CAMKMT: variants seen among roughly 807,000 people sequenced by gnomAD.
CAMKMT encodes the protein CaM KMT.
Under a neutral mutation model 48.0 loss-of-function variants are expected in CAMKMT, and 53 were observed. The observed-to-expected ratio is 1.10, with a 90% CI of 0.89 to 1.39. The LOEUF is 1.39. Among genes scored for constraint, CAMKMT ranks in the 40% most tolerant of loss-of-function variants. The pLI, the probability that CAMKMT is intolerant of heterozygous loss-of-function variation, is 0.00. For synonymous variants in CAMKMT, 165 were observed against 152.3 expected (o/e 1.08, Z -0.61); for missense variants, 428 against 402.7 (o/e 1.06, Z -0.54).
chr2:44,374,117 C>CAAAAAAAAAAAAA (rs59922847), intron 2 of CAMKMT, among the ~76,000 whole-genome samples: 1 of 66,390 alleles, frequency 1.5e-5, no homozygotes, highest in Non-Finnish European at 2.8e-5. Context: ...GACTCTGCCT[C>CAAAAAAAAAAAAA]AAAAAAAAAA....
Position 44,656,718 on chromosome 2 carries a change from T to TA in CAMKMT, c.377-47564dup, listed in dbSNP as rs953734601. On this transcript the variant is annotated intron_variant, in intron 3 of 10. Transcript: ENST00000378494. ...GGTCCCCCCCACCCCACCTTTTTTT[T>TA]ATTGGTCACTAACAAATCCCTCATT... is the stretch of plus-strand genomic sequence containing the variant. 6.6e-5 allele frequency among the ~76,000 whole-genome samples: 10 copies of TA among 152,076 alleles called. No homozygotes were observed. In the South Asian group the frequency reaches 8.3e-4, roughly 13 times the overall value.
intron 3 of CAMKMT, chr2:44,394,809 G>A (rs1681677203): frequency 2.2e-6 from 1 of 452,870 alleles, no homozygotes; most frequent in African/African-American, 2.0e-5. Context: ...TGTTTGTGAT[G>A]TATCTAAAAC....
chr2:44,684,374 A>G (rs969719108), intron 3 of CAMKMT, among the ~76,000 whole-genome samples: 2 of 152,210 alleles, frequency 1.3e-5, no homozygotes, highest in African/African-American at 2.4e-5. Flanking sequence ...TCAGAGCAAG[A>G]GTTCGGTTTA....
chr2:44,611,407 T>C (rs1024106023), intron 3 of CAMKMT, among the ~76,000 whole-genome samples: 10 of 150,674 alleles, frequency 6.6e-5, no homozygotes, highest in African/African-American at 1.7e-4. Context: ...CACTCCAGAC[T>C]GGGGGACAAG....
intron 3 of CAMKMT, among the ~76,000 whole-genome samples, chr2:44,635,790 A>T (rs1673097422): frequency 6.6e-6 from 1 of 152,126 alleles, no homozygotes; most frequent in African/African-American, 2.4e-5. Context: ...AGTGTTGTTG[A>T]TTAGTTGTGT....
chr2:44,416,535 C>T (rs1346447768), intron 3 of CAMKMT, among the ~76,000 whole-genome samples: 4 of 132,600 alleles, frequency 3.0e-5, no homozygotes, highest in Admixed American at 7.4e-5. Context: ...TATATGTTCT[C>T]TTTTTTTTCC....
chr2:44,434,739 G>A (rs1422064657), intron 3 of CAMKMT, among the ~76,000 whole-genome samples: 1 of 152,092 alleles, frequency 6.6e-6, no homozygotes, highest in Non-Finnish European at 1.5e-5. Context: ...TCTGATTTAG[G>A]GATTGGTGAA....
intron 3 of CAMKMT, among the ~76,000 whole-genome samples, chr2:44,636,243 A>G (rs561201546): frequency 8.9e-4 from 136 of 152,368 alleles, no homozygotes; most frequent in Admixed American, 7.6e-3. Flanking sequence ...TCAGTGGTAC[A>G]GGATAGCAGA....
intron 3 of CAMKMT, among the ~76,000 whole-genome samples, chr2:44,478,951 G>A (rs566974430): frequency 2.0e-5 from 3 of 152,150 alleles, no homozygotes; most frequent in East Asian, 1.9e-4. Flanking sequence ...CGCCCGCCTC[G>A]GCCTCCCAAG....
intron 3 of CAMKMT, among the ~76,000 whole-genome samples, chr2:44,583,875 T>A (rs752042001): frequency 2.0e-5 from 3 of 152,150 alleles, no homozygotes; most frequent in Non-Finnish European, 4.4e-5. Flanking sequence ...TACATTTCAA[T>A]GAATTTAGAC....
At chr2:44,393,166 T>C (rs918046926) in intron 3 of CAMKMT, among the ~76,000 whole-genome samples, 13 of 152,330 alleles carry the variant, frequency 8.5e-5, no homozygotes, top group African/African-American at 2.2e-4. Context: ...ACCTTCTGAA[T>C]TGGTTTATGC....
chr2:44,424,013 G>A (rs1684104191), intron 3 of CAMKMT, among the ~76,000 whole-genome samples: 1 of 152,106 alleles, frequency 6.6e-6, no homozygotes, highest in African/African-American at 2.4e-5. Flanking sequence ...TTGTTTTTAT[G>A]AATAATTAGC....
chr2:44,415,921 A>G (rs562782212), intron 3 of CAMKMT, among the ~76,000 whole-genome samples: 4 of 152,226 alleles, frequency 2.6e-5, no homozygotes, highest in Non-Finnish European at 5.9e-5. Context: ...TTTTAAAGGG[A>G]AATTGCTACT....
At chr2:44,710,819 C>G (rs1573135830) in intron 6 of CAMKMT, among the ~76,000 whole-genome samples, 1 of 152,200 alleles carries the variant, frequency 6.6e-6, no homozygotes, top group Admixed American at 6.5e-5. Context: ...GGTGAGCAAC[C>G]CTCTCTGGCT....
chr2:44,430,619 C>A (rs552983396), intron 3 of CAMKMT, among the ~76,000 whole-genome samples: 1 of 151,890 alleles, frequency 6.6e-6, no homozygotes. Context: ...TTACATTGCT[C>A]CTCCCAGGCC....
intron 2 of CAMKMT, 45 bp downstream of exon 2, chr2:44,372,933 T>C (rs1239005180): frequency 6.7e-7 from 1 of 1,496,138 alleles, no homozygotes; most frequent in East Asian, 2.3e-5. Context: ...TAGATTTCTC[T>C]TGGATAAGAA....
chr2:44,625,676 A>T (rs1250417085), intron 3 of CAMKMT, among the ~76,000 whole-genome samples: 1 of 152,120 alleles, frequency 6.6e-6, no homozygotes, highest in East Asian at 1.9e-4. Context: ...ATATTTGAAT[A>T]TTATTTTTAA....
intron 3 of CAMKMT, among the ~76,000 whole-genome samples, chr2:44,433,676 T>A (rs1429201871): frequency 2.6e-5 from 4 of 152,260 alleles, no homozygotes; most frequent in Non-Finnish European, 5.9e-5. Flanking sequence ...TAATGTCATA[T>A]GAATGACTTG....
intron 3 of CAMKMT, among the ~76,000 whole-genome samples, chr2:44,525,943 G>C (rs1322293709): frequency 6.6e-6 from 1 of 152,046 alleles, no homozygotes; most frequent in African/African-American, 2.4e-5. Context: ...GTGCCATGCT[G>C]GTGTGCTGCA....
Sources: gnomAD v4.1 joint callset for allele counts (sites outside exome capture counted in the v4.1 genomes callset) on GRCh38, gnomAD v4.1.1 for gene constraint, MANE v1.5 for transcripts, NCBI Gene and HGNC (gene_info 2026-07-23, HGNC 2026-07-21) for gene names.